Variants in AGBL4 observed in about 807,000 individuals in gnomAD.
AGBL4 encodes cytosolic carboxypeptidase 6.
Under a neutral mutation model 66.4 loss-of-function variants are expected in AGBL4, and 58 were observed. The ratio of observed to expected loss-of-function variants is 0.87; its 90% CI spans 0.71 to 1.09. The LOEUF is 1.09. Ranked by LOEUF, AGBL4 falls within the 50% of genes least tolerant of loss-of-function variation. The pLI, the probability that AGBL4 is intolerant of heterozygous loss-of-function variation, is 0.00. For missense variants in AGBL4, 579 were observed against 631.0 expected (o/e 0.92, Z 0.88); for synonymous variants, 234 against 222.9 (o/e 1.05, Z -0.44).
intron 3 of AGBL4, among the ~76,000 whole-genome samples, chr1:49,263,160 T>G (rs1222223255): frequency 1.0e-3 from 126 of 123,582 alleles, no homozygotes; most frequent in Middle Eastern, 4.0e-3. Context: ...TGTTGTGGGG[T>G]GGGGGGAGTG....
chr1:49,813,339 CCCTT>C (rs1224716930), intron 2 of AGBL4, among the ~76,000 whole-genome samples: 1 of 152,026 alleles, frequency 6.6e-6, no homozygotes, highest in Non-Finnish European at 1.5e-5. Context: ...TTAAAAGTAG[CCCTT>C]GCTTAAGACA....
chr1:49,536,692 T>A (rs1045890610), intron 3 of AGBL4, among the ~76,000 whole-genome samples: 2 of 152,218 alleles, frequency 1.3e-5, no homozygotes, highest in East Asian at 3.9e-4. Context: ...ATGGTATTGG[T>A]ATAAAAATAC....
At chr1:49,584,195 T>A (rs960730321) in intron 3 of AGBL4, among the ~76,000 whole-genome samples, 6 of 152,140 alleles carry the variant, frequency 3.9e-5, no homozygotes, top group African/African-American at 1.4e-4. Flanking sequence ...AGGGACCCCC[T>A]CTCCCAATGC....
At chr1:49,901,737 C>A (rs1182160411) in intron 1 of AGBL4, among the ~76,000 whole-genome samples, 3 of 152,106 alleles carry the variant, frequency 2.0e-5, no homozygotes, top group Non-Finnish European at 2.9e-5. Flanking sequence ...CCAAGGCAAT[C>A]CTATGCAAAA....
chr1:48,854,471 T>G (rs1330609793), intron 6 of AGBL4, among the ~76,000 whole-genome samples: 1 of 152,208 alleles, frequency 6.6e-6, no homozygotes, highest in Non-Finnish European at 1.5e-5. Context: ...TCTAGTAGCC[T>G]TAATTTTTTG....
At chr1:48,542,587 G>A (rs935755022) in intron 11 of AGBL4, among the ~76,000 whole-genome samples, 2 of 152,186 alleles carry the variant, frequency 1.3e-5, no homozygotes, top group Non-Finnish European at 2.9e-5. Context: ...TTTCTCTAAT[G>A]ACCAGTGATG....
At chr1:49,151,248 G>A (rs1646324678) in intron 4 of AGBL4, among the ~76,000 whole-genome samples, 2 of 141,640 alleles carry the variant, frequency 1.4e-5, no homozygotes, top group South Asian at 4.4e-4. Context: ...CAGCCTAGGT[G>A]ACAGAGCAAG....
At chr1:48,527,474 GTAGTCCCAGC>G in the AGBL4 span, among the ~76,000 whole-genome samples, 2 of 152,004 alleles carry the variant, frequency 1.3e-5, no homozygotes, top group East Asian at 3.9e-4. Flanking sequence ...GTGCGCGCCT[GTAGTCCCAGC>G]TACTCAGGAC....
At chr1:49,959,329 A>G (rs1656928264) in intron 1 of AGBL4, among the ~76,000 whole-genome samples, 3 of 152,064 alleles carry the variant, frequency 2.0e-5, no homozygotes, top group Admixed American at 2.0e-4. Context: ...TTCGCAGGTA[A>G]AAAGAAATAG....
At chr1:49,568,524 A>ACACACACACAG (rs750607745) in intron 3 of AGBL4, among the ~76,000 whole-genome samples, 1 of 49,896 alleles carries the variant, frequency 2.0e-5, no homozygotes, top group Non-Finnish European at 4.7e-5. Flanking sequence ...CACACACACA[A>ACACACACACAG]ATGCCATGCT....
chr1:49,100,764 A>G (rs1328836097), intron 4 of AGBL4, among the ~76,000 whole-genome samples: 2 of 152,188 alleles, frequency 1.3e-5, no homozygotes, highest in East Asian at 3.9e-4. Context: ...GGGCTCCAGG[A>G]AGTAACACCA....
At position 48,970,760 on chromosome 1, in the gene AGBL4, G is replaced by T. The variant is rs140749000; in HGVS notation, c.594+74824C>A. On this transcript the variant is annotated intron_variant, in intron 5 of 13. Transcript: ENST00000371839. ...CAAGGCCTTTCCGCGACACATATGT[G>T]GGGTAGTGGAATAAGCACAGCACAG... 1.3e-3 allele frequency among the ~76,000 whole-genome samples: 191 copies of T among 152,242 alleles called. 2 individuals are homozygous for T. In the South Asian group the frequency reaches 0.02, roughly 16 times the overall value.
intron 12 of AGBL4, among the ~76,000 whole-genome samples, chr1:48,538,626 T>C (rs1480857070): frequency 6.6e-6 from 1 of 152,244 alleles, no homozygotes; most frequent in African/African-American, 2.4e-5. Context: ...CTTCTCATCA[T>C]CTTTCTTAGT....
At chr1:49,354,443 T>A (rs1473148283) in intron 3 of AGBL4, among the ~76,000 whole-genome samples, 1 of 152,232 alleles carries the variant, frequency 6.6e-6, no homozygotes, top group Non-Finnish European at 1.5e-5. Context: ...GTCAGTGATA[T>A]TTGTTGGGTC....
chr1:49,571,329 AT>A (rs535507958), intron 3 of AGBL4, among the ~76,000 whole-genome samples: 1 of 151,292 alleles, frequency 6.6e-6, no homozygotes. Flanking sequence ...ATTCCTAGGT[AT>A]TTTTTTTCAG....
intron 3 of AGBL4, among the ~76,000 whole-genome samples, chr1:49,506,968 C>G (rs1474480051): frequency 6.6e-6 from 1 of 151,938 alleles, no homozygotes; most frequent in African/African-American, 2.4e-5. Context: ...ACTCCTCTCC[C>G]TTTGAATTTG....
At chr1:49,924,831 C>T (rs1316510585) in intron 1 of AGBL4, among the ~76,000 whole-genome samples, 1 of 152,144 alleles carries the variant, frequency 6.6e-6, no homozygotes. Context: ...AATCGTCCTC[C>T]TCATGGGAAC....
chr1:49,740,777 G>T (rs1650377944), intron 2 of AGBL4, among the ~76,000 whole-genome samples: 1 of 152,182 alleles, frequency 6.6e-6, no homozygotes, highest in East Asian at 1.9e-4. Context: ...CATGGAAACT[G>T]AACAAACTGC....
At chr1:48,776,968 C>T (rs1465437458) in intron 6 of AGBL4, 2 of 490,906 alleles carry the variant, frequency 4.1e-6, no homozygotes, top group Admixed American at 4.5e-5. Context: ...CCAGGCTCCC[C>T]CCACTGTTAT....
Sources: allele counts gnomAD v4.1 joint callset (sites outside exome capture counted in the v4.1 genomes callset), GRCh38; gene constraint gnomAD v4.1.1; transcripts MANE v1.5; gene names NCBI Gene and HGNC (gene_info 2026-07-23, HGNC 2026-07-21).